Variants in COL14A1 observed in about 807,000 individuals in gnomAD.
The protein encoded by COL14A1 is collagen type XIV alpha 1 chain.
COL14A1 carries 136 observed loss-of-function variants against 230.3 expected under a neutral mutation model. That is an observed-to-expected ratio of 0.59 (90% CI 0.51 to 0.68). The LOEUF (loss-of-function observed/expected upper bound fraction) is 0.68. COL14A1 is among the 30% of genes least tolerant of loss of function. The pLI is 0.00. For missense variants in COL14A1, 1,976 were observed against 2,215.8 expected (o/e 0.89, Z 2.17); for synonymous variants, 792 against 784.1 (o/e 1.01, Z -0.17).
At chr8:120,134,743 G>A (rs900678107) in intron 1 of COL14A1, among the ~76,000 whole-genome samples, 1 of 152,188 alleles carries the variant, frequency 6.6e-6, no homozygotes, top group African/African-American at 2.4e-5. Flanking sequence ...GGGAGGCCGA[G>A]GAAGTCAGAT....
At chr8:120,182,037 C>G (rs1053610605) in intron 5 of COL14A1, among the ~76,000 whole-genome samples, 1 of 152,144 alleles carries the variant, frequency 6.6e-6, no homozygotes, top group African/African-American at 2.4e-5. Context: ...TCCAGTTTTC[C>G]TCTAGTTCCT....
intron 33 of COL14A1, 106 bp downstream of exon 33, chr8:120,286,076 G>A (rs1820191642): frequency 2.9e-6 from 2 of 682,928 alleles, no homozygotes; most frequent in Non-Finnish European, 5.1e-6. Context: ...CAGCTGGAGT[G>A]AGAATTTCCT....
intron 5 of COL14A1, among the ~76,000 whole-genome samples, chr8:120,175,666 C>T (rs1053388121): frequency 1.3e-5 from 2 of 152,144 alleles, no homozygotes; most frequent in Non-Finnish European, 2.9e-5. Flanking sequence ...TGGCTGCCGT[C>T]CCACAATATC....
intron 5 of COL14A1, among the ~76,000 whole-genome samples, chr8:120,193,782 A>G (rs1200813187): frequency 2.0e-5 from 3 of 152,050 alleles, no homozygotes; most frequent in African/African-American, 7.2e-5. Context: ...CCTCGCTGCC[A>G]CCTTATAGTT....
At chr8:120,298,208 A>C (rs1325817283) in intron 35 of COL14A1, among the ~76,000 whole-genome samples, 2 of 151,932 alleles carry the variant, frequency 1.3e-5, no homozygotes, top group Admixed American at 1.3e-4. Flanking sequence ...ATCCAAAAAA[A>C]GTGTTGCAAA....
At chr8:120,333,588 A>G (rs1821943358) in intron 42 of COL14A1, among the ~76,000 whole-genome samples, 1 of 152,358 alleles carries the variant, frequency 6.6e-6, no homozygotes, top group East Asian at 1.9e-4. Flanking sequence ...CATCTAGTGA[A>G]TTAGATTCCT....
Position 120,231,523 on chromosome 8 carries a change from C to A in COL14A1, c.2254C>A (p.Arg752=), listed in dbSNP as rs529247883. Residue 752 remains arginine, a synonymous_variant, in exon 19 of 48, where the codon CGG becomes AGG. Transcript: ENST00000297848. ...VVGDETTSSL[R]VKWDISDSDV... ...AGGTGATGAAACTACTTCTAGCCTGCGGGTAAAATGGGACATTTCTGACAG... is the reference window on the plus strand; with the variant it reads ...AGGTGATGAAACTACTTCTAGCCTGAGGGTAAAATGGGACATTTCTGACAG... The A allele has an allele frequency of 3.1e-6, 5 of 1,613,956 alleles. No individual in the cohort carries two copies. Among genetic ancestry groups the A allele is most frequent in the Admixed American group, 1.7e-5 (1 of 59,984 alleles).
At position 120,233,356 on chromosome 8, in the gene COL14A1, G is replaced by T. The variant is rs7813202; in HGVS notation, c.2349+1738G>T. Among the ~76,000 whole-genome samples, 592 of 152,260 alleles carry T rather than the reference G, an allele frequency of 3.9e-3. 6 individuals carry two copies. Among genetic ancestry groups the T allele is most frequent in the African/African-American group, 0.013 (521 of 41,538 alleles). On this transcript the variant is annotated intron_variant, in intron 19 of 47. Transcript: ENST00000297848. ...AAGTCTTTGCCCATGCCTGTGTCCT[G>T]AATGGTATTGCCTAGGTTTTCTTCC...
At chr8:120,141,050 G>C (rs945575782) in intron 1 of COL14A1, among the ~76,000 whole-genome samples, 1 of 152,108 alleles carries the variant, frequency 6.6e-6, no homozygotes, top group Non-Finnish European at 1.5e-5. Flanking sequence ...CAGGCTTTGG[G>C]GCAAAGTTTT....
At chr8:120,274,038 A>G (rs2129849364) in intron 26 of COL14A1, among the ~76,000 whole-genome samples, 1 of 151,944 alleles carries the variant, frequency 6.6e-6, no homozygotes. Context: ...AAAGAAAATT[A>G]CATGCCAACA....
intron 1 of COL14A1, among the ~76,000 whole-genome samples, chr8:120,126,945 A>G (rs1354403944): frequency 2.0e-5 from 3 of 152,240 alleles, no homozygotes; most frequent in Admixed American, 6.5e-5. Flanking sequence ...TTATTGAGAT[A>G]TAATTCATAT....
At chr8:120,241,489 A>G (rs1479428511) in intron 19 of COL14A1, among the ~76,000 whole-genome samples, 1 of 152,202 alleles carries the variant, frequency 6.6e-6, no homozygotes, top group Non-Finnish European at 1.5e-5. Context: ...TTTCTGAAAA[A>G]AATTAAAAGC....
At chr8:120,263,831 G>A (rs1459173111) in intron 24 of COL14A1, among the ~76,000 whole-genome samples, 1 of 152,022 alleles carries the variant, frequency 6.6e-6, no homozygotes, top group Admixed American at 6.6e-5. Flanking sequence ...ACTTGCAGAG[G>A]GAAATCATGC....
At position 120,329,932 on chromosome 8, in the gene COL14A1, T is replaced by C. The variant is rs181491062; in HGVS notation, c.4660-2209T>C. Among the ~76,000 whole-genome samples, 268 of 152,262 alleles carry C rather than the reference T, an allele frequency of 1.8e-3. 1 individual carries two copies. Among genetic ancestry groups the C allele is most frequent in the Non-Finnish European group, 2.8e-3 (188 of 68,012 alleles). ...GTGGAGGAGTGGGGGTTAGGGGGTC[T>C]CTGCTCCACACAGTCATTTAGGAAC... On this transcript the variant is annotated intron_variant, in intron 40 of 47. Coordinates refer to ENST00000297848, the MANE Select transcript of COL14A1 (RefSeq NM_021110.4).
intron 37 of COL14A1, among the ~76,000 whole-genome samples, chr8:120,311,928 T>C (rs1821056793): frequency 6.6e-6 from 1 of 151,860 alleles, no homozygotes; most frequent in Non-Finnish European, 1.5e-5. Context: ...TGAAACCCTG[T>C]CTCTACTAAA....
At chr8:120,202,522 G>A (rs1280554405) in intron 8 of COL14A1, among the ~76,000 whole-genome samples, 1 of 152,114 alleles carries the variant, frequency 6.6e-6, no homozygotes, top group African/African-American at 2.4e-5. Flanking sequence ...GATGAGGCTT[G>A]GAGAAGGGAA....
intron 1 of COL14A1, among the ~76,000 whole-genome samples, chr8:120,128,143 A>C (rs1814403969): frequency 6.6e-6 from 1 of 152,002 alleles, no homozygotes; most frequent in Non-Finnish European, 1.5e-5. Flanking sequence ...GCAGGGATCC[A>C]GTTACTTTTC....
At chr8:120,267,335 A>C (rs538479890) in intron 25 of COL14A1, among the ~76,000 whole-genome samples, 1 of 152,062 alleles carries the variant, frequency 6.6e-6, no homozygotes, top group East Asian at 1.9e-4. Flanking sequence ...AGTAGTGATC[A>C]TTATTTTTTT....
intron 19 of COL14A1, among the ~76,000 whole-genome samples, chr8:120,242,833 T>C (rs1818645687): frequency 6.6e-6 from 1 of 152,226 alleles, no homozygotes; most frequent in African/African-American, 2.4e-5. Context: ...TAGCAACAGC[T>C]GCTTCTGGGT....
Sources: allele counts gnomAD v4.1 joint callset (sites outside exome capture counted in the v4.1 genomes callset), GRCh38; gene constraint gnomAD v4.1.1; transcripts MANE v1.5; gene names NCBI Gene and HGNC (gene_info 2026-07-23, HGNC 2026-07-21).